Variants in DDX42 observed in about 807,000 individuals in gnomAD.
DDX42 encodes DEAD-box helicase 42.
Under a neutral mutation model 101.5 loss-of-function variants are expected in DDX42, and 22 were observed. The observed-to-expected ratio is 0.22, with a 90% CI of 0.15 to 0.31. The LOEUF is 0.31. Among genes scored for constraint, DDX42 ranks in the 10% least tolerant of loss-of-function variants. The pLI is 1.00. For missense variants in DDX42, 849 were observed against 1,199.9 expected (o/e 0.71, Z 4.32); for synonymous variants, 402 against 401.2 (o/e 1.00, Z -0.02).
At chr17:63,808,019 A>C in intron 9 of DDX42, 119 bp downstream of exon 9, 6 of 909,872 alleles carry the variant, frequency 6.6e-6, no homozygotes, top group Non-Finnish European at 9.6e-6. Context: ...TACACACAAA[A>C]TTGATTATCT....
intron 3 of DDX42, among the ~76,000 whole-genome samples, chr17:63,795,833 A>C (rs546291091): frequency 6.6e-6 from 1 of 152,310 alleles, no homozygotes; most frequent in South Asian, 2.1e-4. Context: ...TGAAGAATAT[A>C]CACCTAATAG....
At position 63,815,196 on chromosome 17, in the gene DDX42, C is replaced by T. The variant is rs953188408; in HGVS notation, c.1903-367C>T. Among the ~76,000 whole-genome samples, 33 of 152,268 alleles carry T rather than the reference C, an allele frequency of 2.2e-4. No individual in the cohort carries two copies. The South Asian group carries it at 2.9e-3, about 13-fold the overall frequency. On this transcript the variant is annotated intron_variant, in intron 15 of 17. Coordinates refer to ENST00000389924, the MANE Select transcript of DDX42 (RefSeq NM_203499.3). ...CAGTTGTTTAAGTTCCAAATGTTTA[C>T]GTCCAATAATACATGGTTTGAGAAA...
At chr17:63,809,795 C>A in intron 11 of DDX42, 136 bp downstream of exon 11, 2 of 632,304 alleles carry the variant, frequency 3.2e-6, no homozygotes, top group Non-Finnish European at 2.7e-6. Context: ...AGAAATATAG[C>A]TAAGATGAAC....
rs191667260 is a variant in DDX42, at chr17:63,809,717, C to T, written c.1252+58C>T. ...ATCCTCATGATACTAGTTTTTTTTCCATGTCTTTCTAGACTGTTTTTTCAG... is the reference window on the plus strand; with the variant it reads ...ATCCTCATGATACTAGTTTTTTTTCTATGTCTTTCTAGACTGTTTTTTCAG... On this transcript the variant is annotated intron_variant, in intron 11 of 17. Coordinates refer to ENST00000389924, the MANE Select transcript of DDX42 (RefSeq NM_203499.3). The T allele has an allele frequency of 1.5e-4, 214 of 1,409,832 alleles. No homozygotes were observed. In the African/African-American group the frequency reaches 2.6e-3, roughly 17 times the overall value. 87.3% of individuals were successfully genotyped at this position (1,409,832 alleles called of 1,614,324 possible).
At chr17:63,797,485 C>G (rs762589223) in intron 3 of DDX42, among the ~76,000 whole-genome samples, 3 of 151,730 alleles carry the variant, frequency 2.0e-5, no homozygotes, top group African/African-American at 4.8e-5. Flanking sequence ...TGTCATTTGG[C>G]GCTGGATAAT....
At chr17:63,798,433 T>C (rs1291614587) in intron 4 of DDX42, among the ~76,000 whole-genome samples, 1 of 152,196 alleles carries the variant, frequency 6.6e-6, no homozygotes, top group East Asian at 1.9e-4. Context: ...ATAATTAATA[T>C]AAAATAGGTT....
intron 6 of DDX42, 28 bp downstream of exon 6, chr17:63,800,645 CT>C: frequency 6.2e-7 from 1 of 1,608,934 alleles, no homozygotes; most frequent in Non-Finnish European, 8.5e-7. Context: ...GAATTTTACT[CT>C]TGTTTCAAGC....
chr17:63,783,597 C>T (rs565299413), intron 1 of DDX42, among the ~76,000 whole-genome samples: 2 of 152,050 alleles, frequency 1.3e-5, no homozygotes, highest in East Asian at 3.9e-4. Context: ...TGAAGGAATC[C>T]CCTTATGGGA....
intron 16 of DDX42, 47 bp from the exon 17 acceptor site, chr17:63,816,821 C>A: frequency 1.3e-6 from 2 of 1,513,636 alleles, no homozygotes; most frequent in Non-Finnish European, 1.8e-6. Context: ...TAGCAGTGAG[C>A]TTTCCTGCTT....
chr17:63,789,560 TTTTTGTTTTTG>T (rs2039597787), intron 2 of DDX42, among the ~76,000 whole-genome samples: 3 of 29,740 alleles, frequency 1.0e-4, no homozygotes, highest in African/African-American at 6.1e-4. Flanking sequence ...TTTGTTTTTG[TTTTTGTTTTTG>T]TTTTTTTTTT....
Position 63,817,917 on chromosome 17 carries a change from A to G in DDX42, c.2336A>G (p.Tyr779Cys). 1 of 1,614,116 alleles carries G rather than the reference A, an allele frequency of 6.2e-7. No individual in the cohort carries two copies. Among genetic ancestry groups the G allele is most frequent in the Non-Finnish European group, 8.5e-7 (1 of 1,180,012 alleles). The change falls in exon 18 of 18, where the codon TAC (tyrosine) becomes TGC (cysteine). Residue 779 changes from tyrosine to cysteine, a missense_variant. Physicochemically the swap from Tyr to Cys is radical, Grantham distance 194. Around this residue, in one of 5 missense-constraint regions of DDX42, gnomAD observed 300 missense variants for 304.9 expected, o/e 0.98. Transcript: ENST00000389924. ...TGNISGAPVT[Y>C]PSAGAQGVNN... Reference sequence around the variant, plus strand: ...AACATCAGTGGTGCCCCTGTGACCTACCCGTCTGCCGGAGCCCAAGGAGTC... The same window carrying G: ...AACATCAGTGGTGCCCCTGTGACCTGCCCGTCTGCCGGAGCCCAAGGAGTC...
chr17:63,815,763 C>T (rs2144592110), intron 16 of DDX42, 90 bp downstream of exon 16: 2 of 882,236 alleles, frequency 2.3e-6, no homozygotes, highest in South Asian at 1.8e-5. Context: ...AGGAAAGCCT[C>T]AGTGAGTTTA....
In DDX42 at chr17:63,787,128, G is replaced by A; in HGVS notation, c.79G>A (p.Glu27Lys). The A allele has an allele frequency of 6.2e-7, 1 of 1,614,194 alleles. No homozygotes were observed. Among genetic ancestry groups the A allele is most frequent in the Non-Finnish European group, 8.5e-7 (1 of 1,180,038 alleles). Residue 27 changes from glutamate to lysine, a missense_variant, in exon 2 of 18, where the codon GAG (glutamate) becomes AAG (lysine). Glu to Lys is a moderately conservative substitution (Grantham distance 56). This residue lies in a region of DDX42 where 92 missense variants were observed against 106.7 expected (regional missense o/e 0.86). Transcript: ENST00000389924. ...TTTTGCCATCAGTGCTGGGAAAAAG[G>A]AGGAACCCAAACTCCCACAGCAGTC... Reference protein sequence around the residue: ...GGFAISAGKKEEPKLPQQSHS... With the variant: ...GGFAISAGKKKEPKLPQQSHS...
intron 1 of DDX42, among the ~76,000 whole-genome samples, chr17:63,786,519 G>C (rs934993218): frequency 2.0e-5 from 3 of 152,124 alleles, no homozygotes; most frequent in Non-Finnish European, 4.4e-5. Flanking sequence ...GGAACTCCTG[G>C]GTTCAAGTAG....
chr17:63,774,253 G>A lies in DDX42; in HGVS notation c.-140G>A, dbSNP rs1312592781. ...CGGCGGTGGTGGTGGTGGCGGCGGCGGCGGCGAAGGGGGCGGAGAGGAAGG... is the reference window on the plus strand; with the variant it reads ...CGGCGGTGGTGGTGGTGGCGGCGGCAGCGGCGAAGGGGGCGGAGAGGAAGG... On this transcript the variant is annotated 5_prime_UTR_variant, in exon 1 of 18. Transcript: ENST00000389924. 6.6e-6 allele frequency: 2 copies of A among 303,934 alleles called. No individual in the cohort carries two copies. The highest frequency in any genetic ancestry group is 1.2e-5 in the Non-Finnish European group (2 of 168,358). The allele number at this position is 303,934 out of a possible 1,614,324, so 18.8% of individuals were successfully genotyped here. A position where few individuals can be genotyped will look rare whatever the true frequency, so the allele number is the denominator to read the frequency against.
chr17:63,814,125 C>T (rs543662540), intron 15 of DDX42, among the ~76,000 whole-genome samples: 6 of 152,262 alleles, frequency 3.9e-5, no homozygotes, highest in East Asian at 3.9e-4. Flanking sequence ...GGATTACAGG[C>T]GTGAGCCACC....
chr17:63,810,251 A>ATTTT (rs11450730), intron 11 of DDX42: 64 of 121,200 alleles, frequency 5.3e-4, no homozygotes, highest in South Asian at 4.0e-3. Flanking sequence ...CAGCCTGGCT[A>ATTTT]TTTTTTTTTT....
At chr17:63,794,847 A>C (rs2039673218) in intron 3 of DDX42, among the ~76,000 whole-genome samples, 1 of 151,688 alleles carries the variant, frequency 6.6e-6, no homozygotes, top group Admixed American at 6.6e-5. Flanking sequence ...GAGGCAGGAG[A>C]ATCGCTTGAA....
At chr17:63,799,678 C>T in intron 5 of DDX42, 53 bp downstream of exon 5, 2 of 1,570,856 alleles carry the variant, frequency 1.3e-6, no homozygotes, top group Non-Finnish European at 1.7e-6. Context: ...AAAGTCTATA[C>T]TGGGGACAAG....
Sources: allele counts gnomAD v4.1 joint callset (sites outside exome capture counted in the v4.1 genomes callset), GRCh38; gene constraint gnomAD v4.1.1; regional missense constraint gnomAD v4.1.1; transcripts MANE v1.5; gene names NCBI Gene and HGNC (gene_info 2026-07-23, HGNC 2026-07-21).